PARD3: variants seen among roughly 807,000 people sequenced by gnomAD.
PARD3 encodes partitioning defective 3 homolog.
A neutral mutation model predicts 155.4 loss-of-function variants in PARD3; 75 were observed. That is an observed-to-expected ratio of 0.48 (90% CI 0.40 to 0.58). The LOEUF (loss-of-function observed/expected upper bound fraction) is 0.58. Ranked by LOEUF, PARD3 falls within the 20% of genes least tolerant of loss-of-function variation. The pLI, the probability that PARD3 is intolerant of heterozygous loss-of-function variation, is 0.00. For synonymous variants in PARD3, 576 were observed against 610.5 expected (o/e 0.94, Z 0.83); for missense variants, 1,642 against 1,721.7 (o/e 0.95, Z 0.82).
intron 15 of PARD3, chr10:34,344,903 A>T (rs1403184523): frequency 3.0e-6 from 3 of 985,382 alleles, no homozygotes; most frequent in Non-Finnish European, 3.6e-6. Context: ...CAAGTTAATT[A>T]ATGTATTTGC....
intron 2 of PARD3, among the ~76,000 whole-genome samples, chr10:34,584,590 A>G (rs944102106): frequency 1.3e-5 from 2 of 152,180 alleles, no homozygotes; most frequent in South Asian, 2.1e-4. Context: ...GAGTTTCCTA[A>G]TAATTCACAT....
chr10:34,261,766 AAGG>A (rs1419426947), intron 22 of PARD3, among the ~76,000 whole-genome samples: 16 of 75,482 alleles, frequency 2.1e-4, no homozygotes, highest in African/African-American at 7.1e-4. Context: ...GAAAGGAAGG[AAGG>A]AAGAAAGAAA....
intron 5 of PARD3, among the ~76,000 whole-genome samples, chr10:34,429,088 C>A (rs1378884975): frequency 6.6e-6 from 1 of 152,134 alleles, no homozygotes; most frequent in Non-Finnish European, 1.5e-5. Flanking sequence ...AAACATCATA[C>A]AAATTAATTC....
At chr10:34,179,311 T>C (rs1294962923) in intron 22 of PARD3, among the ~76,000 whole-genome samples, 1 of 152,198 alleles carries the variant, frequency 6.6e-6, no homozygotes, top group Non-Finnish European at 1.5e-5. Context: ...CAGTGGAACA[T>C]TTCTGCTGTG....
At position 34,331,878 on chromosome 10, in the gene PARD3, G is replaced by C. The variant is rs182443410; in HGVS notation, c.2606-534C>G. 1.7e-3 allele frequency among the ~76,000 whole-genome samples: 262 copies of C among 152,276 alleles called. 3 individuals carry two copies. The highest frequency in any genetic ancestry group is 6.0e-3 in the African/African-American group (251 of 41,566). ...ACACTGCATAAGGAGTAAGACCACGGGGGCCAACATGTCACCAAAACAGTT... is the reference window on the plus strand; with the variant it reads ...ACACTGCATAAGGAGTAAGACCACGCGGGCCAACATGTCACCAAAACAGTT... On this transcript the variant is annotated intron_variant, in intron 18 of 24. Transcript: ENST00000374788.
chr10:34,771,566 G>C (rs1211484944), intron 1 of PARD3, among the ~76,000 whole-genome samples: 2 of 152,216 alleles, frequency 1.3e-5, no homozygotes, highest in African/African-American at 4.8e-5. Context: ...AACTGAGAAA[G>C]AAAAATGACG....
At chr10:34,405,410 A>G (rs1844355619) in intron 5 of PARD3, among the ~76,000 whole-genome samples, 1 of 152,208 alleles carries the variant, frequency 6.6e-6, no homozygotes, top group South Asian at 2.1e-4. Flanking sequence ...CGATCAAATA[A>G]AAAACATATT....
In PARD3 at chr10:34,382,763, C is replaced by G; in HGVS notation, c.1176G>C (p.Arg392Ser). ...TGTGAAGCCCTGCACTGTTCACACT[C>G]CTGTTGTCAATATACTGGCTGTCAG... ...FSPDSQYIDN[R>S]SVNSAGLHTV... The change falls in exon 9 of 25, where the codon AGG becomes AGC. Residue 392 changes from arginine to serine, a missense_variant. Transcript: ENST00000374788. 6.2e-7 allele frequency: 1 copy of G among 1,614,162 alleles called. No individual in the cohort carries two copies. Among genetic ancestry groups the G allele is most frequent in the South Asian group, 1.1e-5 (1 of 91,080 alleles).
chr10:34,768,062 T>A (rs950931884), intron 1 of PARD3, among the ~76,000 whole-genome samples: 4 of 152,210 alleles, frequency 2.6e-5, no homozygotes, highest in African/African-American at 9.6e-5. Flanking sequence ...CAACATCTCC[T>A]TACGTTGTCA....
chr10:34,127,664 G>A (rs1050889346), intron 23 of PARD3, among the ~76,000 whole-genome samples: 9 of 152,196 alleles, frequency 5.9e-5, no homozygotes, highest in African/African-American at 1.2e-4. Context: ...GTCAAATGGC[G>A]AACACTGCTC....
intron 2 of PARD3, among the ~76,000 whole-genome samples, chr10:34,607,893 T>C (rs906184843): frequency 2.0e-5 from 3 of 152,206 alleles, no homozygotes; most frequent in African/African-American, 7.2e-5. Context: ...CACCCTGGCA[T>C]CAGCACAGAT....
At chr10:34,186,373 A>AAG in intron 22 of PARD3, among the ~76,000 whole-genome samples, 1 of 151,322 alleles carries the variant, frequency 6.6e-6, no homozygotes, top group Admixed American at 6.6e-5. Context: ...AAAAAAAAAA[A>AAG]AAAGAAACCC....
At chr10:34,523,304 T>C (rs755617462) in intron 2 of PARD3, among the ~76,000 whole-genome samples, 1 of 152,192 alleles carries the variant, frequency 6.6e-6, no homozygotes, top group Admixed American at 6.5e-5. Flanking sequence ...CTGTGAGCAA[T>C]CTCTCACTTT....
At chr10:34,511,267 A>C (rs1412389170) in intron 3 of PARD3, among the ~76,000 whole-genome samples, 1 of 152,128 alleles carries the variant, frequency 6.6e-6, no homozygotes, top group Non-Finnish European at 1.5e-5. Flanking sequence ...TGTCAAGACT[A>C]CCTTATAGGA....
intron 2 of PARD3, among the ~76,000 whole-genome samples, chr10:34,553,421 AAAC>A (rs1480995703): frequency 6.6e-6 from 1 of 152,224 alleles, no homozygotes; most frequent in Non-Finnish European, 1.5e-5. Flanking sequence ...TATTAATAAC[AAAC>A]AATAGAAATT....
chr10:34,567,458 G>T (rs902466262), intron 2 of PARD3, among the ~76,000 whole-genome samples: 3 of 152,048 alleles, frequency 2.0e-5, no homozygotes, highest in African/African-American at 4.8e-5. Context: ...CATTTAAACC[G>T]CCAAGTCATT....
chr10:34,392,430 T>C (rs1398382703), intron 7 of PARD3, among the ~76,000 whole-genome samples: 2 of 152,104 alleles, frequency 1.3e-5, no homozygotes, highest in Non-Finnish European at 2.9e-5. Context: ...ATCAGACAAA[T>C]CAAATGATGG....
At chr10:34,404,356 A>G (rs541397192) in intron 5 of PARD3, among the ~76,000 whole-genome samples, 83 of 152,320 alleles carry the variant, frequency 5.4e-4, no homozygotes, top group Non-Finnish European at 4.0e-4. Flanking sequence ...TATGTATGTC[A>G]AATCAATATT....
chr10:34,777,964 C>T (rs1588703514), intron 1 of PARD3, among the ~76,000 whole-genome samples: 1 of 152,184 alleles, frequency 6.6e-6, no homozygotes, highest in Middle Eastern at 3.2e-3. Flanking sequence ...TGCCAAGTTA[C>T]CACCACATCC....
Sources: gnomAD v4.1 joint callset for allele counts (sites outside exome capture counted in the v4.1 genomes callset) on GRCh38, gnomAD v4.1.1 for gene constraint, MANE v1.5 for transcripts, NCBI Gene and HGNC (gene_info 2026-07-23, HGNC 2026-07-21) for gene names.